Variants in DACH1 observed in about 807,000 individuals in gnomAD.
The protein encoded by DACH1 is dachshund family transcription factor 1.
A neutral mutation model predicts 54.2 loss-of-function variants in DACH1; 12 were observed. That is an observed-to-expected ratio of 0.22 (90% CI 0.14 to 0.36). DACH1 has a LOEUF of 0.36. Ranked by LOEUF, DACH1 falls within the 10% of genes least tolerant of loss-of-function variation. The pLI is 1.00. For missense variants in DACH1, 805 were observed against 929.8 expected, an observed-to-expected ratio of 0.87 and a Z score of 1.75; for synonymous variants, 386 against 366.2, an observed-to-expected ratio of 1.05 and a Z score of -0.62.
At chr13:71,582,969 T>C (rs1416229117) in intron 3 of DACH1, among the ~76,000 whole-genome samples, 1 of 152,136 alleles carries the variant, frequency 6.6e-6, no homozygotes, top group Non-Finnish European at 1.5e-5. Flanking sequence ...GAATAAATGG[T>C]TATAAAACTC....
intron 1 of DACH1, among the ~76,000 whole-genome samples, chr13:71,736,113 A>G (rs960795183): frequency 1.3e-5 from 2 of 152,212 alleles, no homozygotes; most frequent in Non-Finnish European, 2.9e-5. Context: ...TTTTCTAGAC[A>G]TCAACCCCAA....
At chr13:71,659,259 T>TA (rs1879340186) in intron 2 of DACH1, among the ~76,000 whole-genome samples, 1 of 152,158 alleles carries the variant, frequency 6.6e-6, no homozygotes, top group Non-Finnish European at 1.5e-5. Flanking sequence ...TTTTGACTCT[T>TA]ACTGGGGGGT....
At chr13:71,619,735 A>T (rs1050495551) in intron 3 of DACH1, among the ~76,000 whole-genome samples, 1 of 152,096 alleles carries the variant, frequency 6.6e-6, no homozygotes, top group East Asian at 1.9e-4. Flanking sequence ...GAGGGATTCA[A>T]TTATGTGGGG....
At chr13:71,486,147 C>T in intron 7 of DACH1, among the ~76,000 whole-genome samples, 1 of 151,480 alleles carries the variant, frequency 6.6e-6, no homozygotes, top group Non-Finnish European at 1.5e-5. Flanking sequence ...ATTTAAAAAT[C>T]CAGGCTTTTT....
chr13:71,586,533 A>G (rs1460997140), intron 3 of DACH1, among the ~76,000 whole-genome samples: 1 of 152,138 alleles, frequency 6.6e-6, no homozygotes, highest in Non-Finnish European at 1.5e-5. Context: ...AAACAGTATT[A>G]CACACTATTT....
At chr13:71,714,499 G>C (rs1315329330) in intron 1 of DACH1, among the ~76,000 whole-genome samples, 1 of 152,002 alleles carries the variant, frequency 6.6e-6, no homozygotes, top group East Asian at 1.9e-4. Context: ...TTAGTTATTA[G>C]TTGAAATTCA....
At chr13:71,607,116 A>T (rs972239815) in intron 3 of DACH1, among the ~76,000 whole-genome samples, 6 of 151,986 alleles carry the variant, frequency 3.9e-5, no homozygotes, top group Non-Finnish European at 5.9e-5. Context: ...AATAAACATA[A>T]GGGACAGGAA....
intron 6 of DACH1, among the ~76,000 whole-genome samples, chr13:71,489,637 A>T (rs886784351): frequency 1.3e-5 from 2 of 152,126 alleles, no homozygotes; most frequent in East Asian, 3.9e-4. Flanking sequence ...AAAAGAATGT[A>T]AAGTTAAAAT....
intron 1 of DACH1, among the ~76,000 whole-genome samples, chr13:71,724,652 T>C (rs1225675709): frequency 6.6e-6 from 1 of 152,030 alleles, no homozygotes; most frequent in East Asian, 1.9e-4. Context: ...ATTACTTATA[T>C]CAAAAAATAC....
At chr13:71,636,987 T>G (rs1877532905) in intron 2 of DACH1, among the ~76,000 whole-genome samples, 1 of 152,198 alleles carries the variant, frequency 6.6e-6, no homozygotes, top group Admixed American at 6.5e-5. Context: ...CTTTTACTTT[T>G]ATTCTCACTT....
In DACH1 at chr13:71,856,955, T is replaced by C. The variant is rs183578169; in HGVS notation, c.848+8967A>G. 1.5e-4 allele frequency among the ~76,000 whole-genome samples: 23 copies of C among 151,998 alleles called. No homozygotes were observed. The East Asian group carries it at 3.9e-3, about 25-fold the overall frequency. ...GAACAGTCTCTTTTCCTTTATGTTA[T>C]GAAATTGTTTTCCTATCATTTATTC... is the stretch of plus-strand genomic sequence containing the variant. On this transcript the variant is annotated intron_variant, in intron 1 of 10. Coordinates refer to ENST00000613252, the MANE Select transcript of DACH1 (RefSeq NM_080759.6).
intron 1 of DACH1, among the ~76,000 whole-genome samples, chr13:71,723,916 C>A (rs1883354722): frequency 6.6e-6 from 1 of 152,114 alleles, no homozygotes; most frequent in African/African-American, 2.4e-5. Context: ...GTCTCAAACT[C>A]CTGGCCTCAA....
intron 10 of DACH1, among the ~76,000 whole-genome samples, chr13:71,466,573 C>T (rs749537687): frequency 1.2e-4 from 18 of 152,160 alleles, no homozygotes; most frequent in Non-Finnish European, 2.4e-4. Flanking sequence ...CAGGGTGCGG[C>T]GGCTCACGCC....
intron 6 of DACH1, among the ~76,000 whole-genome samples, chr13:71,500,542 T>A (rs1472671758): frequency 6.6e-6 from 1 of 152,188 alleles, no homozygotes; most frequent in Non-Finnish European, 1.5e-5. Flanking sequence ...TATCATGGAA[T>A]TATAAAAAAT....
intron 6 of DACH1, among the ~76,000 whole-genome samples, chr13:71,550,061 C>T (rs1375891464): frequency 6.6e-6 from 1 of 152,096 alleles, no homozygotes; most frequent in Non-Finnish European, 1.5e-5. Context: ...GTGCTGTCTA[C>T]AATATTATAA....
chr13:71,846,126 C>G (rs574299378), intron 1 of DACH1: 1 of 177,810 alleles, frequency 5.6e-6, no homozygotes, highest in Non-Finnish European at 1.3e-5. Flanking sequence ...GCAAGAGATG[C>G]GCTTATGTAC....
intron 3 of DACH1, chr13:71,573,409 C>T: frequency 1.4e-6 from 1 of 715,534 alleles, no homozygotes; most frequent in Non-Finnish European, 2.6e-6. Flanking sequence ...CTAAAGAATG[C>T]CATCGTACCA....
intron 1 of DACH1, among the ~76,000 whole-genome samples, chr13:71,747,838 T>A (rs1408594777): frequency 1.3e-5 from 2 of 152,158 alleles, no homozygotes; most frequent in African/African-American, 4.8e-5. Context: ...AATGGGTCCC[T>A]GTATAGCACT....
At chr13:71,672,428 T>C (rs1413354403) in intron 2 of DACH1, among the ~76,000 whole-genome samples, 13 of 152,082 alleles carry the variant, frequency 8.5e-5, no homozygotes, top group African/African-American at 3.1e-4. Context: ...ATTTTACATC[T>C]TTACAAAGGA....
Sources: gnomAD v4.1 joint callset for allele counts (sites outside exome capture counted in the v4.1 genomes callset) on GRCh38, gnomAD v4.1.1 for gene constraint, MANE v1.5 for transcripts, NCBI Gene and HGNC (gene_info 2026-07-23, HGNC 2026-07-21) for gene names.